The following FHIT variants were observed in gnomAD, a reference collection of about 807,000 sequenced individuals.
The protein encoded by FHIT is fragile histidine triad diadenosine triphosphatase, also known as bis(5'-adenosyl)-triphosphatase.
A neutral mutation model predicts 17.9 loss-of-function variants in FHIT; 19 were observed. The observed-to-expected ratio is 1.06, with a 90% CI of 0.74 to 1.56. The LOEUF is 1.56. FHIT is among the 40% of genes most tolerant of loss of function. The pLI is 0.00. For synonymous variants in FHIT, 81 were observed against 69.7 expected (o/e 1.16, Z -0.81); for missense variants, 248 against 189.2 (o/e 1.31, Z -1.82).
At chr3:60,509,629 C>A (rs188891312) in intron 5 of FHIT, among the ~76,000 whole-genome samples, 7 of 151,826 alleles carry the variant, frequency 4.6e-5, no homozygotes, top group African/African-American at 1.7e-4. Context: ...TTTTGCTATT[C>A]GCAAGTGACA....
At chr3:60,394,575 T>A (rs1171568017) in intron 5 of FHIT, among the ~76,000 whole-genome samples, 1 of 152,242 alleles carries the variant, frequency 6.6e-6, no homozygotes, top group South Asian at 2.1e-4. Context: ...TGGGTTCACA[T>A]CCTGAACTGA....
chr3:60,391,060 T>C (rs565434036), intron 5 of FHIT, among the ~76,000 whole-genome samples: 400 of 151,046 alleles, frequency 2.6e-3, no homozygotes, highest in African/African-American at 9.1e-3. Context: ...TGGTGGGACA[T>C]GCCTGTGGTC....
At chr3:60,342,073 C>T (rs1202625309) in intron 5 of FHIT, among the ~76,000 whole-genome samples, 2 of 152,156 alleles carry the variant, frequency 1.3e-5, no homozygotes, top group African/African-American at 4.8e-5. Flanking sequence ...AATTCCAAGC[C>T]ATACACAGGA....
intron 8 of FHIT, among the ~76,000 whole-genome samples, chr3:59,906,478 G>A (rs942115564): frequency 1.3e-5 from 2 of 152,214 alleles, no homozygotes; most frequent in African/African-American, 4.8e-5. Context: ...ACCACAGCAT[G>A]TAGACCCCTA....
chr3:60,729,269 G>A (rs1442803817), intron 4 of FHIT, among the ~76,000 whole-genome samples: 10 of 152,196 alleles, frequency 6.6e-5, no homozygotes, highest in African/African-American at 2.4e-4. Flanking sequence ...TGGAGAAAGT[G>A]GATGCGCCAG....
intron 4 of FHIT, among the ~76,000 whole-genome samples, chr3:60,593,900 T>G (rs1256281586): frequency 6.6e-6 from 1 of 152,120 alleles, no homozygotes; most frequent in Non-Finnish European, 1.5e-5. Context: ...GATGGGAGGC[T>G]GCATTAATAT....
intron 5 of FHIT, among the ~76,000 whole-genome samples, chr3:60,397,717 A>G (rs9824749): frequency 0.26 from 39,519 of 152,042 alleles, 5,264 homozygotes; most frequent in East Asian, 0.47. Flanking sequence ...CAAGCTGAAA[A>G]CAGTTTAAAG....
rs888047593 is a variant in FHIT, at chr3:60,396,213, C to CA, written c.103+140646dup. Among the ~76,000 whole-genome samples, 11 of 152,258 alleles carry CA rather than the reference C, an allele frequency of 7.2e-5. 1 individual carries two copies. The highest frequency in any genetic ancestry group is 4.6e-4 in the Admixed American group (7 of 15,284). On this transcript the variant is annotated intron_variant, in intron 5 of 9. Transcript: ENST00000492590. ...AATTTGAAACTTCCATTTACTCCCT[C>CA]AAAAAATAAAGAACGGATTATGTTT... is the stretch of plus-strand genomic sequence containing the variant.
At chr3:59,942,704 A>G (rs1314618522) in intron 7 of FHIT, among the ~76,000 whole-genome samples, 1 of 152,098 alleles carries the variant, frequency 6.6e-6, no homozygotes, top group Non-Finnish European at 1.5e-5. Context: ...GCTGGAGTGC[A>G]GTGGTGCAAT....
intron 5 of FHIT, among the ~76,000 whole-genome samples, chr3:60,451,027 G>GT (rs1296838685): frequency 1.3e-5 from 2 of 152,056 alleles, no homozygotes; most frequent in Non-Finnish European, 2.9e-5. Context: ...ATGAAAACTT[G>GT]TTTTTAGGAG....
At chr3:60,164,059 AT>A (rs201433252) in intron 5 of FHIT, among the ~76,000 whole-genome samples, 2 of 151,996 alleles carry the variant, frequency 1.3e-5, no homozygotes, top group African/African-American at 2.4e-5. Flanking sequence ...CAACAAAAAC[AT>A]TTTTTTTGGA....
Position 59,752,280 on chromosome 3 carries a change from T to C in FHIT, c.390A>G (p.Arg130=), listed in dbSNP as rs1476157871. The change falls in exon 9 of 10, where the codon AGA becomes AGG. Residue 130 remains arginine, a synonymous_variant. Transcript: ENST00000492590. ...HDKEDFPASW[R]SEEEMAAEAA... Reference sequence around the variant, plus strand: ...CTTCTGCTGCCATTTCCTCCTCTGATCTCCAAGAGGCAGGAAAGTCCTCCT... The same window carrying C: ...CTTCTGCTGCCATTTCCTCCTCTGACCTCCAAGAGGCAGGAAAGTCCTCCT... 3 of 1,612,636 alleles carry C rather than the reference T, an allele frequency of 1.9e-6. No individual in the cohort carries two copies. The highest frequency in any genetic ancestry group is 2.5e-6 in the Non-Finnish European group (3 of 1,179,458).
At chr3:60,367,340 C>G (rs922449360) in intron 5 of FHIT, among the ~76,000 whole-genome samples, 4 of 152,146 alleles carry the variant, frequency 2.6e-5, no homozygotes, top group Non-Finnish European at 5.9e-5. Context: ...CCTCAAAGTA[C>G]CTCTAGATTA....
chr3:60,902,157 T>C (rs1177910627), intron 3 of FHIT, among the ~76,000 whole-genome samples: 1 of 152,242 alleles, frequency 6.6e-6, no homozygotes, highest in Admixed American at 6.5e-5. Context: ...CCATGTACTT[T>C]GCCATAGTCA....
At chr3:60,450,680 T>C (rs1471680925) in intron 5 of FHIT, among the ~76,000 whole-genome samples, 1 of 152,164 alleles carries the variant, frequency 6.6e-6, no homozygotes, top group East Asian at 1.9e-4. Flanking sequence ...AAGTGGGGAA[T>C]TTGGGGATGA....
At chr3:60,463,635 A>C (rs534472207) in intron 5 of FHIT, among the ~76,000 whole-genome samples, 14 of 152,330 alleles carry the variant, frequency 9.2e-5, no homozygotes, top group African/African-American at 3.4e-4. Flanking sequence ...AACTGTAATA[A>C]GGCATGAACT....
intron 9 of FHIT, chr3:59,751,671 T>A (rs907174472): frequency 2.2e-5 from 5 of 228,662 alleles, no homozygotes; most frequent in Admixed American, 5.7e-5. Flanking sequence ...CCTTGACTTT[T>A]CCCTGTGGCC....
At chr3:61,194,649 TG>T (rs1381697020) in intron 2 of FHIT, among the ~76,000 whole-genome samples, 3 of 152,172 alleles carry the variant, frequency 2.0e-5, no homozygotes, top group African/African-American at 7.2e-5. Flanking sequence ...TGGGCATTAA[TG>T]AAGATTGAAT....
intron 8 of FHIT, among the ~76,000 whole-genome samples, chr3:59,794,511 ACCTGGCAAAACATCAGGC>A (rs1267019065): frequency 6.6e-6 from 1 of 152,186 alleles, no homozygotes; most frequent in Non-Finnish European, 1.5e-5. Context: ...AGTAGCCACC[ACCTGGCAAAACATCAGGC>A]CCTGTGCAGG....
Sources: allele counts gnomAD v4.1 joint callset (sites outside exome capture counted in the v4.1 genomes callset), GRCh38; gene constraint gnomAD v4.1.1; transcripts MANE v1.5; gene names NCBI Gene and HGNC (gene_info 2026-07-23, HGNC 2026-07-21).